Variants in LRP1B observed in about 807,000 individuals in gnomAD.
LRP1B encodes low-density lipoprotein receptor-related protein 1B.
A neutral mutation model predicts 556.6 loss-of-function variants in LRP1B; 217 were observed. That is an observed-to-expected ratio of 0.39 (90% CI 0.35 to 0.44). LRP1B has a LOEUF of 0.44. LRP1B is among the 20% of genes least tolerant of loss of function. The pLI, the probability that LRP1B is intolerant of heterozygous loss-of-function variation, is 1.00. For synonymous variants in LRP1B, 2,047 were observed against 1,865.8 expected, an observed-to-expected ratio of 1.10 and a Z score of -2.50; for missense variants, 5,053 against 5,620.8, an observed-to-expected ratio of 0.90 and a Z score of 3.23.
At chr2:141,637,420 G>A (rs1350040915) in intron 2 of LRP1B, among the ~76,000 whole-genome samples, 1 of 152,200 alleles carries the variant, frequency 6.6e-6, no homozygotes, top group Non-Finnish European at 1.5e-5. Flanking sequence ...CCAAGTGGAT[G>A]AAAAAGGCTG....
chr2:140,344,861 T>C (rs544742179), intron 77 of LRP1B, among the ~76,000 whole-genome samples: 1 of 150,654 alleles, frequency 6.6e-6, no homozygotes, highest in East Asian at 2.0e-4. Flanking sequence ...TTAAGAGGGG[T>C]GAAGAACAGG....
At chr2:141,698,822 A>C (rs1048419810) in intron 2 of LRP1B, among the ~76,000 whole-genome samples, 1 of 151,798 alleles carries the variant, frequency 6.6e-6, no homozygotes, top group African/African-American at 2.4e-5. Context: ...GCTTAGTAAA[A>C]ATTTGGATTT....
At chr2:141,443,687 T>C (rs1681072226) in intron 3 of LRP1B, among the ~76,000 whole-genome samples, 1 of 152,140 alleles carries the variant, frequency 6.6e-6, no homozygotes, top group Non-Finnish European at 1.5e-5. Context: ...AAACAGGGAA[T>C]CCTTTCCCCA....
At chr2:141,199,042 C>T (rs1681881601) in intron 6 of LRP1B, among the ~76,000 whole-genome samples, 1 of 152,130 alleles carries the variant, frequency 6.6e-6, no homozygotes, top group East Asian at 1.9e-4. Context: ...TAAAGTTCCT[C>T]ACAGAGAACC....
intron 35 of LRP1B, among the ~76,000 whole-genome samples, chr2:140,747,714 C>G (rs1688365336): frequency 6.6e-6 from 1 of 152,010 alleles, no homozygotes; most frequent in Non-Finnish European, 1.5e-5. Context: ...TCTTTCATCT[C>G]AGAAAATCTT....
At chr2:141,834,474 G>A (rs1385059174) in intron 1 of LRP1B, among the ~76,000 whole-genome samples, 1 of 151,900 alleles carries the variant, frequency 6.6e-6, no homozygotes, top group Non-Finnish European at 1.5e-5. Context: ...TGCAGGAAAT[G>A]AAGCTGTTTC....
At chr2:141,611,723 G>T (rs1688113889) in intron 2 of LRP1B, among the ~76,000 whole-genome samples, 1 of 152,168 alleles carries the variant, frequency 6.6e-6, no homozygotes, top group Admixed American at 6.5e-5. Flanking sequence ...AGCCATGCCA[G>T]GCAGAATGGT....
intron 7 of LRP1B, among the ~76,000 whole-genome samples, chr2:141,062,924 T>C (rs115279891): frequency 0.016 from 2,439 of 151,954 alleles, 64 homozygotes; most frequent in African/African-American, 0.055. Context: ...ATATTTATTT[T>C]GGAGAAAAGG....
intron 83 of LRP1B, among the ~76,000 whole-genome samples, chr2:140,309,366 A>T (rs1000415717): frequency 6.6e-6 from 1 of 151,834 alleles, no homozygotes. Flanking sequence ...TTCAGCCAGC[A>T]TTGTGGAAAT....
intron 2 of LRP1B, among the ~76,000 whole-genome samples, chr2:141,600,055 T>C (rs1198847358): frequency 1.3e-5 from 2 of 152,160 alleles, no homozygotes; most frequent in African/African-American, 4.8e-5. Flanking sequence ...CATCTCTAAT[T>C]TCCTACACCA....
chr2:140,806,273 A>C (rs766341405), intron 32 of LRP1B, among the ~76,000 whole-genome samples: 1 of 152,108 alleles, frequency 6.6e-6, no homozygotes, highest in Non-Finnish European at 1.5e-5. Context: ...CCAAGGTAAG[A>C]CATACAAATA....
chr2:140,694,629 T>C (rs1356532564), intron 41 of LRP1B, among the ~76,000 whole-genome samples: 1 of 152,202 alleles, frequency 6.6e-6, no homozygotes, highest in East Asian at 1.9e-4. Context: ...ATTATCACTT[T>C]GAGTATTACT....
At chr2:140,484,247 T>C (rs1283786027) in intron 59 of LRP1B, among the ~76,000 whole-genome samples, 1 of 152,178 alleles carries the variant, frequency 6.6e-6, no homozygotes, top group African/African-American at 2.4e-5. Context: ...GCTTCTCCTA[T>C]TAGGTACTAT....
In LRP1B at chr2:141,530,115, C is replaced by T. The variant is rs1320972859; in HGVS notation, c.206-49582G>A. Among the ~76,000 whole-genome samples, 3 of 152,106 alleles carry T rather than the reference C, an allele frequency of 2.0e-5. No homozygotes were observed. The East Asian group carries it at 5.8e-4, about 29-fold the overall frequency. ...GGATTTGTAATTACTTAAGAGGAAA[C>T]CAAAGTCATTGTCATAATACTCCAG... On this transcript the variant is annotated intron_variant, in intron 2 of 90. Transcript: ENST00000389484.
chr2:141,830,461 C>G (rs976396331), intron 1 of LRP1B, among the ~76,000 whole-genome samples: 3 of 151,858 alleles, frequency 2.0e-5, no homozygotes, highest in African/African-American at 7.2e-5. Flanking sequence ...CTCAGCATAT[C>G]ACTCAACACA....
chr2:142,040,000 A>G (rs1704010752), intron 1 of LRP1B, among the ~76,000 whole-genome samples: 1 of 151,496 alleles, frequency 6.6e-6, no homozygotes. Context: ...TCCTCCTTTC[A>G]GGCTATTATA....
chr2:141,648,522 C>T (rs1689665710), intron 2 of LRP1B, among the ~76,000 whole-genome samples: 1 of 152,172 alleles, frequency 6.6e-6, no homozygotes, highest in African/African-American at 2.4e-5. Flanking sequence ...ACATTTATCA[C>T]AGCAATACAA....
At chr2:141,517,259 T>TACACACACACACAC (rs71281835) in intron 2 of LRP1B, among the ~76,000 whole-genome samples, 21 of 141,484 alleles carry the variant, frequency 1.5e-4, no homozygotes, top group African/African-American at 4.2e-4. Flanking sequence ...AGGACAAGAA[T>TACACACACACACAC]ACGCACACAC....
At chr2:141,533,111 T>C (rs1385909905) in intron 2 of LRP1B, among the ~76,000 whole-genome samples, 1 of 152,188 alleles carries the variant, frequency 6.6e-6, no homozygotes, top group African/African-American at 2.4e-5. Context: ...AAAGCTTGAC[T>C]TATCCTCGGT....
Sources: allele counts gnomAD v4.1 joint callset (sites outside exome capture counted in the v4.1 genomes callset), GRCh38; gene constraint gnomAD v4.1.1; transcripts MANE v1.5; gene names NCBI Gene and HGNC (gene_info 2026-07-23, HGNC 2026-07-21).